NOL9: variants seen among roughly 807,000 people sequenced by gnomAD.
The protein encoded by NOL9 is polynucleotide 5'-hydroxyl-kinase NOL9.
NOL9 carries 28 observed loss-of-function variants against 67.9 expected under a neutral mutation model. That is an observed-to-expected ratio of 0.41 (90% confidence interval 0.31 to 0.57). NOL9 has a LOEUF of 0.57. Among genes scored for constraint, NOL9 ranks in the 20% least tolerant of loss-of-function variants. The pLI, the probability that NOL9 is intolerant of heterozygous loss-of-function variation, is 0.25. For missense variants in NOL9, 777 were observed against 897.0 expected, an observed-to-expected ratio of 0.87 and a Z score of 1.71; for synonymous variants, 356 against 352.2, an observed-to-expected ratio of 1.01 and a Z score of -0.12.
intron 6 of NOL9, among the ~76,000 whole-genome samples, chr1:6,538,315 A>G (rs1006717288): frequency 1.3e-5 from 2 of 152,186 alleles, no homozygotes; most frequent in Non-Finnish European, 2.9e-5. Context: ...GGATTAATAT[A>G]AAGAACTACT....
intron 10 of NOL9, 56 bp from the exon 11 acceptor site, chr1:6,526,885 C>A: frequency 6.6e-7 from 1 of 1,515,114 alleles, no homozygotes. Context: ...TCAAACTTCT[C>A]CATCGTTAGA....
At chr1:6,527,786 C>T (rs1376729929) in intron 10 of NOL9, among the ~76,000 whole-genome samples, 1 of 152,070 alleles carries the variant, frequency 6.6e-6, no homozygotes, top group African/African-American at 2.4e-5. Flanking sequence ...ACAAAATTAG[C>T]TGGGCGTGGT....
chr1:6,533,525 A>G, intron 6 of NOL9, 84 bp from the exon 7 acceptor site: 1 of 1,022,820 alleles, frequency 9.8e-7, no homozygotes, highest in Non-Finnish European at 1.4e-6. Flanking sequence ...GTTTTGTTTC[A>G]GCCGTTATCA....
chr1:6,531,154 T>C (rs1162348971), intron 9 of NOL9, among the ~76,000 whole-genome samples: 1 of 152,204 alleles, frequency 6.6e-6, no homozygotes, highest in East Asian at 1.9e-4. Context: ...GCAGCCTGGA[T>C]TCCAAGTTGC....
chr1:6,551,413 C>T (rs1639540388), intron 1 of NOL9, among the ~76,000 whole-genome samples: 1 of 151,576 alleles, frequency 6.6e-6, no homozygotes, highest in Non-Finnish European at 1.5e-5. Flanking sequence ...GCAAACCCCC[C>T]TGCACCCCAC....
At chr1:6,526,654 T>C (rs750540184) in intron 11 of NOL9, 42 bp downstream of exon 11, 1 of 1,566,716 alleles carries the variant, frequency 6.4e-7, no homozygotes, top group East Asian at 2.2e-5. Flanking sequence ...TCTGTGGACC[T>C]GAGTAGGCTC....
At chr1:6,549,800 G>A in intron 2 of NOL9, 102 bp from the exon 3 acceptor site, 1 of 1,394,194 alleles carries the variant, frequency 7.2e-7, no homozygotes, top group South Asian at 1.3e-5. Context: ...CATTAGGAGA[G>A]TAGGAATTAC....
chr1:6,540,401 C>T (rs12122657), intron 6 of NOL9, among the ~76,000 whole-genome samples: 122,757 of 152,010 alleles, frequency 0.81, 50,399 homozygotes, highest in Non-Finnish European at 0.87. Context: ...GGATTACAGG[C>T]ATGAGCCACC....
chr1:6,531,125 C>T (rs1406801254), intron 9 of NOL9, among the ~76,000 whole-genome samples: 3 of 152,204 alleles, frequency 2.0e-5, no homozygotes, highest in African/African-American at 7.2e-5. Context: ...ATCATGCTTT[C>T]CTCCCAAAAC....
chr1:6,526,616 A>G (rs1638890047), intron 11 of NOL9, 80 bp downstream of exon 11: 1 of 1,383,884 alleles, frequency 7.2e-7, no homozygotes, highest in Non-Finnish European at 9.8e-7. Flanking sequence ...CATTCCCATG[A>G]CCCCTGACCC....
intron 1 of NOL9, 110 bp downstream of exon 1, chr1:6,553,997 C>T (rs1639607021): frequency 1.1e-6 from 1 of 879,522 alleles, no homozygotes; most frequent in Non-Finnish European, 1.6e-6. Context: ...GACTGGCAGC[C>T]AGAGAACAGG....
At chr1:6,547,727 T>C (rs976572978) in intron 3 of NOL9, among the ~76,000 whole-genome samples, 1 of 151,976 alleles carries the variant, frequency 6.6e-6, no homozygotes, top group Non-Finnish European at 1.5e-5. Flanking sequence ...TCATGGCGTG[T>C]ACCTGTAACC....
In NOL9 at chr1:6,526,003, G is replaced by T; in HGVS notation, c.1960C>A (p.Arg654Ser). ...TAAGGTACTGTCCCTTCGATCCCAC[G>T]CTGAAACGGAAACACAGAGAATGCA... The part of the protein sequence containing the change: ...AIPHCVLKCQ[R>S]GIEGTVPYVT... The change falls in exon 12 of 12, where the codon CGT (arginine) becomes AGT (serine). Residue 654 changes from arginine (R) to serine (S), a missense_variant and splice_region_variant. Arg to Ser is a moderately radical substitution (Grantham distance 110, BLOSUM62 -1). This residue lies in a region of NOL9 where 413 missense variants were observed against 552.6 expected (regional missense o/e 0.75). Coordinates refer to ENST00000377705, the MANE Select transcript of NOL9 (RefSeq NM_024654.5). 6 of 1,613,348 alleles carry T rather than the reference G, an allele frequency of 3.7e-6. No individual in the cohort carries two copies. The highest frequency in any genetic ancestry group is 5.1e-6 in the Non-Finnish European group (6 of 1,179,394).
intron 11 of NOL9, 90 bp from the exon 12 acceptor site, chr1:6,526,093 CATG>C: frequency 4.3e-6 from 5 of 1,170,668 alleles, no homozygotes; most frequent in Non-Finnish European, 6.4e-6. Flanking sequence ...AAGGCAGTGT[CATG>C]GTGATGGTCT....
intron 8 of NOL9, 92 bp from the exon 9 acceptor site, chr1:6,532,171 G>A (rs1570045897): frequency 1.0e-6 from 1 of 1,003,346 alleles, no homozygotes; most frequent in East Asian, 2.5e-5. Flanking sequence ...TTTTCACAGA[G>A]TACTGGGCTT....
intron 5 of NOL9, among the ~76,000 whole-genome samples, chr1:6,543,694 G>C (rs1639352735): frequency 6.6e-6 from 1 of 152,152 alleles, no homozygotes; most frequent in Admixed American, 6.5e-5. Flanking sequence ...TAAAATTTCA[G>C]ATCTGGCATG....
chr1:6,529,515 G>T (rs1380802152), intron 9 of NOL9, among the ~76,000 whole-genome samples: 1 of 152,118 alleles, frequency 6.6e-6, no homozygotes, highest in Non-Finnish European at 1.5e-5. Context: ...TTGAACCTGG[G>T]AGGCGGAGGT....
chr1:6,532,643 T>C lies in NOL9; in HGVS notation c.1355A>G (p.Asp452Gly), dbSNP rs759288455. ...GCTTTTTGTGTACAAGCCATCCATG[T>C]CATCTACATACTGCGGGGTAAGGTC... ...MPDLTPQYVDDMDGLYTKSKT... is the reference protein window; with the variant it reads ...MPDLTPQYVDGMDGLYTKSKT... Residue 452 changes from aspartate to glycine, a missense_variant, in exon 8 of 12, where the codon GAC becomes GGC. By Grantham distance (94) the Asp-to-Gly change is moderately conservative (BLOSUM62 -1). Transcript: ENST00000377705. The C allele has an allele frequency of 2.0e-5, 33 of 1,614,098 alleles. No homozygotes were observed. Among genetic ancestry groups the C allele is most frequent in the African/African-American group, 4.0e-5 (3 of 74,926 alleles).
chr1:6,531,413 C>T (rs1179003891), intron 9 of NOL9, among the ~76,000 whole-genome samples: 4 of 151,968 alleles, frequency 2.6e-5, no homozygotes, highest in Non-Finnish European at 5.9e-5. Context: ...GGGGGTTTCA[C>T]TGTGTTAGCC....
Sources: allele counts gnomAD v4.1 joint callset (sites outside exome capture counted in the v4.1 genomes callset), GRCh38; gene constraint gnomAD v4.1.1; regional missense constraint gnomAD v4.1.1; transcripts MANE v1.5; gene names NCBI Gene and HGNC (gene_info 2026-07-23, HGNC 2026-07-21).